TCF12: variants seen among roughly 807,000 people sequenced by gnomAD.
The protein encoded by TCF12 is DNA-binding protein HTF4.
In TCF12, 45 loss-of-function variants were observed where a neutral mutation model predicts 86.0. That is an observed-to-expected ratio of 0.52 (90% CI 0.41 to 0.67). TCF12 has a LOEUF of 0.67. Ranked by LOEUF, TCF12 falls within the 30% of genes least tolerant of loss-of-function variation. The pLI is 0.00. For synonymous variants in TCF12, 330 were observed against 299.6 expected, an observed-to-expected ratio of 1.10 and a Z score of -1.05; for missense variants, 881 against 859.9, an observed-to-expected ratio of 1.02 and a Z score of -0.31.
intron 18 of TCF12, among the ~76,000 whole-genome samples, chr15:57,270,354 A>G (rs1417655847): frequency 6.6e-6 from 1 of 152,168 alleles, no homozygotes; most frequent in Non-Finnish European, 1.5e-5. Flanking sequence ...CGCATCAGCT[A>G]TTGAAGCTTG....
intron 4 of TCF12, among the ~76,000 whole-genome samples, chr15:57,081,129 A>G (rs1000433715): frequency 5.5e-4 from 83 of 152,198 alleles, no homozygotes; most frequent in African/African-American, 1.8e-3. Context: ...CAAACTGGGT[A>G]GTTAAATTTT....
intron 3 of TCF12, among the ~76,000 whole-genome samples, chr15:56,956,338 GT>G (rs1442187411): frequency 1.3e-5 from 2 of 151,008 alleles, no homozygotes; most frequent in African/African-American, 4.9e-5. Context: ...TTTTTATTCT[GT>G]TTTGTCATCT....
chr15:57,039,194 A>G (rs2066722581), intron 3 of TCF12, among the ~76,000 whole-genome samples: 2 of 152,190 alleles, frequency 1.3e-5, no homozygotes. Context: ...CTTCTGTTGT[A>G]TAAGGGTTGA....
chr15:57,031,962 G>T (rs1192757359), intron 3 of TCF12, among the ~76,000 whole-genome samples: 1 of 152,180 alleles, frequency 6.6e-6, no homozygotes, highest in Non-Finnish European at 1.5e-5. Context: ...TGGAACTGTA[G>T]TTCCAAGAGG....
At chr15:56,942,605 G>A (rs1367422167) in intron 3 of TCF12, among the ~76,000 whole-genome samples, 1 of 151,838 alleles carries the variant, frequency 6.6e-6, no homozygotes, top group Non-Finnish European at 1.5e-5. Flanking sequence ...CATTTGCTTA[G>A]TGCCTGATGT....
chr15:57,040,120 ATTTC>A (rs1443525098), intron 3 of TCF12, among the ~76,000 whole-genome samples: 1 of 151,988 alleles, frequency 6.6e-6, no homozygotes, highest in East Asian at 1.9e-4. Flanking sequence ...CAGGATTTTT[ATTTC>A]TTTCTTTTGA....
At position 57,197,770 on chromosome 15, in the gene TCF12, C is replaced by T. The variant is rs2057343475; in HGVS notation, c.527-3C>T. On this transcript the variant is annotated splice_region_variant and splice_polypyrimidine_tract_variant and intron_variant, in intron 7 of 20. Coordinates refer to ENST00000333725, the MANE Select transcript of TCF12 (RefSeq NM_207037.2). ...GAAGAAATGTATTGTTTTCCATCTG[C>T]AGATCCCTTGCAAGCAAAAAAAGTC... 1.2e-6 allele frequency: 2 copies of T among 1,613,946 alleles called. No individual in the cohort carries two copies. Among genetic ancestry groups the T allele is most frequent in the Non-Finnish European group, 1.7e-6 (2 of 1,179,928 alleles).
chr15:57,246,875 C>T (rs2059888016), intron 13 of TCF12: 1 of 417,758 alleles, frequency 2.4e-6, no homozygotes. Context: ...GCCTTTCGGA[C>T]AACTGTCTCA....
chr15:57,170,731 ATATATAATATATATTATATATT>A (rs1567559281), intron 6 of TCF12, among the ~76,000 whole-genome samples: 38 of 1,616 alleles, frequency 0.024, 1 homozygote, highest in Non-Finnish European at 0.046. Context: ...ATTATATATT[ATATATAATATATATTATATATT>A]ATATATTATA....
intron 3 of TCF12, among the ~76,000 whole-genome samples, chr15:56,956,365 A>T (rs1426142826): frequency 6.6e-6 from 1 of 151,782 alleles, no homozygotes; most frequent in Non-Finnish European, 1.5e-5. Context: ...GCCTTATTAG[A>T]TATAACTTGT....
At chr15:56,992,463 G>T (rs1428928892) in intron 3 of TCF12, among the ~76,000 whole-genome samples, 1 of 152,164 alleles carries the variant, frequency 6.6e-6, no homozygotes, top group African/African-American at 2.4e-5. Context: ...AATAAAACAT[G>T]TCCTGAATAA....
At chr15:57,269,529 T>C (rs749064501) in intron 18 of TCF12, among the ~76,000 whole-genome samples, 1 of 152,112 alleles carries the variant, frequency 6.6e-6, no homozygotes, top group Non-Finnish European at 1.5e-5. Flanking sequence ...GTCTCTGTCT[T>C]TTAATTGGGG....
chr15:57,162,061 CAA>C (rs1270654154), intron 5 of TCF12, among the ~76,000 whole-genome samples: 1 of 152,150 alleles, frequency 6.6e-6, no homozygotes, highest in African/African-American at 2.4e-5. Flanking sequence ...CCCCGCAACA[CAA>C]GAGTGTAGTA....
intron 6 of TCF12, among the ~76,000 whole-genome samples, chr15:57,177,902 G>C (rs1196910902): frequency 6.6e-6 from 1 of 151,766 alleles, no homozygotes; most frequent in East Asian, 1.9e-4. Flanking sequence ...GTAGAGATGG[G>C]GTTTTGCCAT....
intron 3 of TCF12, among the ~76,000 whole-genome samples, chr15:56,926,057 A>AAG (rs1373728053): frequency 1.3e-5 from 2 of 152,210 alleles, no homozygotes; most frequent in Non-Finnish European, 2.9e-5. Flanking sequence ...CACGCCTGTA[A>AAG]TCACAGCGTT....
intron 5 of TCF12, among the ~76,000 whole-genome samples, chr15:57,101,042 A>C (rs1392159721): frequency 6.6e-6 from 1 of 152,032 alleles, no homozygotes; most frequent in African/African-American, 2.4e-5. Context: ...CCATTTTTGT[A>C]ATCTCCTTAT....
At chr15:57,006,651 T>G (rs2064393349) in intron 3 of TCF12, among the ~76,000 whole-genome samples, 1 of 152,042 alleles carries the variant, frequency 6.6e-6, no homozygotes, top group Non-Finnish European at 1.5e-5. Context: ...GTGTGGTGGC[T>G]CGTGCCTGTA....
intron 13 of TCF12, among the ~76,000 whole-genome samples, chr15:57,248,819 A>C (rs1467477192): frequency 6.6e-6 from 1 of 152,224 alleles, no homozygotes; most frequent in Non-Finnish European, 1.5e-5. Context: ...AGCACCAAAA[A>C]TTATGTAGAT....
intron 8 of TCF12, among the ~76,000 whole-genome samples, chr15:57,221,891 AT>A (rs1389415669): frequency 6.6e-6 from 1 of 152,092 alleles, no homozygotes; most frequent in African/African-American, 2.4e-5. Flanking sequence ...ATATAAATGT[AT>A]TATTTTAGTG....
Sources: gnomAD v4.1 joint callset for allele counts (sites outside exome capture counted in the v4.1 genomes callset) on GRCh38, gnomAD v4.1.1 for gene constraint, MANE v1.5 for transcripts, NCBI Gene and HGNC (gene_info 2026-07-23, HGNC 2026-07-21) for gene names.